USP6: variants seen among roughly 807,000 people sequenced by gnomAD.
USP6 encodes ubiquitin specific peptidase 6.
Under a neutral mutation model 175.7 loss-of-function variants are expected in USP6, and 128 were observed. The ratio of observed to expected loss-of-function variants is 0.73; its 90% CI spans 0.63 to 0.84. USP6 has a LOEUF of 0.84. Ranked by LOEUF, USP6 falls within the 40% of genes least tolerant of loss-of-function variation. The probability of loss-of-function intolerance (pLI) is 0.00; values close to 1 mark genes in which losing one functional copy is unlikely to be tolerated. For missense variants in USP6, 1,498 were observed against 1,760.3 expected, an observed-to-expected ratio of 0.85 and a Z score of 2.67; for synonymous variants, 562 against 630.6, an observed-to-expected ratio of 0.89 and a Z score of 1.63.
intron 30 of USP6, among the ~76,000 whole-genome samples, chr17:5,154,620 C>A (rs1384517873): frequency 6.6e-6 from 1 of 152,106 alleles, no homozygotes; most frequent in African/African-American, 2.4e-5. Flanking sequence ...AATAGAATTA[C>A]TAGGTTTCAC....
At chr17:5,153,403 C>T (rs1488105808) in intron 30 of USP6, among the ~76,000 whole-genome samples, 4 of 152,046 alleles carry the variant, frequency 2.6e-5, no homozygotes, top group Admixed American at 6.6e-5. Context: ...TCTCCTGCCT[C>T]GGCCTCCCGA....
rs1063879 is a variant in USP6, at chr17:5,170,707, G to C, written c.3746G>C (p.Arg1249Pro). The C allele has an allele frequency of 6.5e-5, 105 of 1,613,578 alleles. 2 individuals are homozygous for C. Among genetic ancestry groups the C allele is most frequent in the Middle Eastern group, 3.3e-4 (2 of 6,048 alleles). ...LADALSRGHM[R>P]GGSQPELVTP... ...GACGCCTTGAGCCGAGGGCATATGCGGGGGGGCAGCCAACCAGAGCTGGTC... is the reference window on the plus strand; with the variant it reads ...GACGCCTTGAGCCGAGGGCATATGCCGGGGGGCAGCCAACCAGAGCTGGTC... The change falls in exon 36 of 38, where the codon CGG (arginine) becomes CCG (proline). Residue 1249 changes from arginine to proline, a missense_variant. Arg to Pro is a moderately radical substitution (Grantham distance 103). Around this residue, in one of 2 missense-constraint regions of USP6, gnomAD observed 1,217 missense variants for 1,500.8 expected, o/e 0.81. Transcript: ENST00000574788.
intron 7 of USP6, chr17:5,128,374 A>G (rs1276624052): frequency 6.6e-6 from 1 of 152,228 alleles, no homozygotes; most frequent in Non-Finnish European, 1.5e-5. Context: ...AGAGACACTA[A>G]AAAGACGATT....
At chr17:5,152,505 C>A (rs1188201667) in intron 30 of USP6, among the ~76,000 whole-genome samples, 1 of 152,064 alleles carries the variant, frequency 6.6e-6, no homozygotes, top group Non-Finnish European at 1.5e-5. Context: ...GAGAGATGCA[C>A]AAGAATATTC....
At chr17:5,124,229 C>T (rs2143767980) in intron 4 of USP6, among the ~76,000 whole-genome samples, 1 of 152,292 alleles carries the variant, frequency 6.6e-6, no homozygotes, top group Non-Finnish European at 1.5e-5. Context: ...CTGAAGCACC[C>T]ACTGGGACAG....
rs1157083648 is a variant in USP6, at chr17:5,116,700, G to C, written c.-1968G>C. The C allele has an allele frequency of 6.6e-6, 1 of 152,238 alleles. No homozygotes were observed. Among genetic ancestry groups the C allele is most frequent in the Admixed American group, 6.5e-5 (1 of 15,284 alleles). The allele number at this position is 152,238 out of a possible 1,614,324, so 9.4% of individuals were successfully genotyped here. ...GTACCGCCAAGACCGCTTTCGAGTCGGGCCGACCGGAATTTGAATTCGTTT... is the reference window on the plus strand; with the variant it reads ...GTACCGCCAAGACCGCTTTCGAGTCCGGCCGACCGGAATTTGAATTCGTTT... On this transcript the variant is annotated 5_prime_UTR_variant, in exon 1 of 38. Transcript: ENST00000574788.
At chr17:5,125,981 G>C (rs1195797515) in intron 6 of USP6, 43 bp downstream of exon 6, 1 of 152,052 alleles carries the variant, frequency 6.6e-6, no homozygotes, top group Non-Finnish European at 1.5e-5. Context: ...CTCCATGTTG[G>C]TCAGGCTGGT....
intron 20 of USP6, 141 bp downstream of exon 20, chr17:5,137,891 A>G (rs748915918): frequency 3.9e-6 from 6 of 1,552,010 alleles, no homozygotes; most frequent in Non-Finnish European, 4.3e-6. Context: ...TGGGCAGGGC[A>G]CTGTGACACC....
chr17:5,154,477 T>A (rs1026379282), intron 30 of USP6, among the ~76,000 whole-genome samples: 1 of 152,232 alleles, frequency 6.6e-6, no homozygotes, highest in Non-Finnish European at 1.5e-5. Context: ...ATATCATAAA[T>A]GTCTCTTTAA....
At chr17:5,170,028 C>T (rs4069714) in intron 35 of USP6, among the ~76,000 whole-genome samples, 113,607 of 152,172 alleles carry the variant, frequency 0.75, 43,213 homozygotes, top group Non-Finnish European at 0.81. Flanking sequence ...TAAAGCCTTG[C>T]AGGATTTTTG....
chr17:5,172,198 A>C (rs920186004), intron 37 of USP6, among the ~76,000 whole-genome samples: 19 of 149,672 alleles, frequency 1.3e-4, no homozygotes, highest in Non-Finnish European at 3.0e-5. Context: ...AAAAGTAGTT[A>C]GTTAATGCAA....
chr17:5,141,115 T>TA (rs2073432782), intron 22 of USP6, among the ~76,000 whole-genome samples: 1 of 152,190 alleles, frequency 6.6e-6, no homozygotes, highest in Non-Finnish European at 1.5e-5. Flanking sequence ...ACCATTGTGT[T>TA]ACAGTTGCCT....
chr17:5,161,390 A>C (rs1227920801), intron 31 of USP6, 138 bp from the exon 32 acceptor site: 1 of 788,094 alleles, frequency 1.3e-6, no homozygotes, highest in East Asian at 2.7e-5. Flanking sequence ...GATTAGGGTA[A>C]GTAACATTGA....
chr17:5,149,877 T>G (rs1567800661), intron 30 of USP6, among the ~76,000 whole-genome samples: 1 of 152,170 alleles, frequency 6.6e-6, no homozygotes, highest in Non-Finnish European at 1.5e-5. Context: ...TCTTCGGGTA[T>G]AGTGGCAACT....
intron 30 of USP6, 121 bp downstream of exon 30, chr17:5,148,888 A>C (rs1194426393): frequency 6.9e-7 from 1 of 1,444,158 alleles, no homozygotes; most frequent in Non-Finnish European, 9.1e-7. Context: ...AATTTTTAAA[A>C]ATTTAATACT....
chr17:5,140,076 C>T (rs2073398103), intron 22 of USP6, among the ~76,000 whole-genome samples: 1 of 152,096 alleles, frequency 6.6e-6, no homozygotes, highest in Non-Finnish European at 1.5e-5. Context: ...GCCCCACGAC[C>T]AGCGTTCTGA....
At position 5,136,533 on chromosome 17, in the gene USP6, G is replaced by A; in HGVS notation, c.665-107G>A. On this transcript the variant is annotated intron_variant, in intron 17 of 37. Transcript: ENST00000574788. ...GGTAGGGTCACCAGATGGGAGGGCG[G>A]GAGGCCTTGGGGTTTGGGGGCCTCT... 5 of 1,377,586 alleles carry A rather than the reference G, an allele frequency of 3.6e-6. No individual in the cohort carries two copies. In the South Asian group the frequency reaches 4.9e-5, roughly 14 times the overall value. 85.3% of individuals were successfully genotyped at this position (1,377,586 alleles called of 1,614,324 possible).
chr17:5,150,691 C>T (rs561521200), intron 30 of USP6, among the ~76,000 whole-genome samples: 1 of 151,938 alleles, frequency 6.6e-6, no homozygotes, highest in Non-Finnish European at 1.5e-5. Context: ...GATGGGGTTT[C>T]ACCATGTTGG....
Position 5,162,943 on chromosome 17 carries a change from A to G in USP6, c.2975A>G (p.Tyr992Cys), listed in dbSNP as rs2074032717. 1.9e-6 allele frequency: 3 copies of G among 1,607,654 alleles called. No individual in the cohort carries two copies. The highest frequency in any genetic ancestry group is 2.5e-6 in the Non-Finnish European group (3 of 1,178,684). ...GEDRAFIGNAYIAVDWHPTAL... is the reference protein window; with the variant it reads ...GEDRAFIGNACIAVDWHPTAL... ...GACAGAGCTTTCATTGGAAATGCCTATATTGCTGTGGATTGGCACCCCACA... is the reference window on the plus strand; with the variant it reads ...GACAGAGCTTTCATTGGAAATGCCTGTATTGCTGTGGATTGGCACCCCACA... The change falls in exon 33 of 38, where the codon TAT becomes TGT. Residue 992 changes from tyrosine to cysteine, a missense_variant. Tyr to Cys is a radical substitution (Grantham distance 194, BLOSUM62 -2). Transcript: ENST00000574788.
Sources: gnomAD v4.1 joint callset for allele counts (sites outside exome capture counted in the v4.1 genomes callset) on GRCh38, gnomAD v4.1.1 for gene constraint, gnomAD v4.1.1 regional missense constraint, MANE v1.5 for transcripts, NCBI Gene and HGNC (gene_info 2026-07-23, HGNC 2026-07-21) for gene names.